Variants in CPVL observed in about 807,000 individuals in gnomAD.
CPVL encodes the protein carboxypeptidase vitellogenic like.
CPVL carries 51 observed loss-of-function variants against 63.7 expected under a neutral mutation model. The observed-to-expected ratio is 0.80, with a 90% CI of 0.64 to 1.01. The LOEUF is 1.01. Among genes scored for constraint, CPVL ranks in the 50% least tolerant of loss-of-function variants. CPVL has a pLI of 0.00. For synonymous variants in CPVL, 195 were observed against 206.0 expected, an observed-to-expected ratio of 0.95 and a Z score of 0.46; for missense variants, 530 against 573.1, an observed-to-expected ratio of 0.92 and a Z score of 0.77.
intron 10 of CPVL, among the ~76,000 whole-genome samples, chr7:29,065,273 CAT>C (rs900580852): frequency 3.5e-4 from 54 of 152,332 alleles, no homozygotes; most frequent in Admixed American, 1.2e-3. Context: ...TTGTCTACCA[CAT>C]GTTTTTCTCT....
chr7:29,101,201 A>C (rs1787081989), intron 3 of CPVL, among the ~76,000 whole-genome samples: 1 of 152,262 alleles, frequency 6.6e-6, no homozygotes, highest in African/African-American at 2.4e-5. Flanking sequence ...ACTTTAGTTC[A>C]TTTACAGCAT....
intron 11 of CPVL, among the ~76,000 whole-genome samples, chr7:29,054,711 C>G (rs1466330550): frequency 6.6e-6 from 1 of 151,936 alleles, no homozygotes; most frequent in African/African-American, 2.4e-5. Context: ...GGCTTTTTTT[C>G]ATTCTTTCTG....
intron 3 of CPVL, among the ~76,000 whole-genome samples, chr7:29,103,616 C>A (rs900509221): frequency 2.0e-5 from 3 of 152,026 alleles, no homozygotes; most frequent in Non-Finnish European, 4.4e-5. Context: ...GGAATCTCAA[C>A]AAGTGTTAGG....
chr7:29,066,876 T>C (rs558950162), intron 9 of CPVL, among the ~76,000 whole-genome samples: 45 of 152,266 alleles, frequency 3.0e-4, no homozygotes, highest in African/African-American at 9.9e-4. Context: ...GAGAGGCAGA[T>C]TGAGCCAGGG....
chr7:29,086,643 T>G, intron 6 of CPVL, 93 bp from the exon 7 acceptor site: 2 of 916,168 alleles, frequency 2.2e-6, no homozygotes, highest in Non-Finnish European at 3.6e-6. Context: ...TCTTTGGCAA[T>G]AGGTTTCACA....
chr7:29,086,365 T>C (rs1785202246), intron 7 of CPVL, 119 bp downstream of exon 7: 1 of 620,110 alleles, frequency 1.6e-6, no homozygotes, highest in Non-Finnish European at 2.9e-6. Flanking sequence ...TGAATCAATA[T>C]TGATATGTAT....
intron 7 of CPVL, among the ~76,000 whole-genome samples, chr7:29,075,126 G>A (rs1299104918): frequency 6.6e-6 from 1 of 152,002 alleles, no homozygotes; most frequent in Non-Finnish European, 1.5e-5. Flanking sequence ...CATCTCTCTT[G>A]ACCCTTTCTG....
intron 2 of CPVL, among the ~76,000 whole-genome samples, chr7:29,119,413 G>C (rs1475398387): frequency 6.7e-6 from 1 of 149,162 alleles, no homozygotes; most frequent in Non-Finnish European, 1.5e-5. Flanking sequence ...CTTGAACGCA[G>C]GAGGTGCAGA....
chr7:29,073,500 A>G (rs1270743993), intron 7 of CPVL, among the ~76,000 whole-genome samples: 2 of 151,232 alleles, frequency 1.3e-5, no homozygotes, highest in Non-Finnish European at 2.9e-5. Flanking sequence ...TCTACCCTCA[A>G]CCCCTGCCAC....
intron 1 of CPVL, among the ~76,000 whole-genome samples, chr7:29,131,216 T>G (rs1362805109): frequency 6.6e-6 from 1 of 152,164 alleles, no homozygotes; most frequent in Non-Finnish European, 1.5e-5. Context: ...AATTGCCTCC[T>G]TTCTATTGCC....
At chr7:29,064,766 G>C (rs1782976673) in intron 10 of CPVL, among the ~76,000 whole-genome samples, 1 of 152,084 alleles carries the variant, frequency 6.6e-6, no homozygotes, top group South Asian at 2.1e-4. Context: ...TTAGCATCAG[G>C]TATATCTCCT....
chr7:29,121,717 A>C (rs1395508128), intron 1 of CPVL, among the ~76,000 whole-genome samples: 1 of 152,232 alleles, frequency 6.6e-6, no homozygotes, highest in Non-Finnish European at 1.5e-5. Context: ...AAACAGCTTA[A>C]GCAAAGGTGA....
chr7:29,068,597 A>C (rs1204846534), intron 9 of CPVL, among the ~76,000 whole-genome samples: 1 of 150,800 alleles, frequency 6.6e-6, no homozygotes, highest in Non-Finnish European at 1.5e-5. Context: ...AGAAGTGGCC[A>C]CCTCTTATCC....
At chr7:29,156,827 G>GT (rs1611059) in intron 5 of CPVL, among the ~76,000 whole-genome samples, 138,026 of 152,268 alleles carry the variant, frequency 0.91, 62,790 homozygotes, top group East Asian at 1. Flanking sequence ...AAAACTGACA[G>GT]TGGATTATGC....
chr7:29,065,937 A>T, intron 10 of CPVL, 86 bp downstream of exon 10: 1 of 739,542 alleles, frequency 1.4e-6, no homozygotes, highest in South Asian at 1.7e-5. Flanking sequence ...GTATAAAGTC[A>T]TCTATAATAT....
At chr7:29,148,451 T>C (rs1328164340), upstream of CPVL, 12 of 152,258 alleles carry the variant, frequency 7.9e-5, no homozygotes, top group Non-Finnish European at 8.8e-5. Flanking sequence ...TTAACACTAT[T>C]TATCTCTGTG....
At chr7:29,029,933 C>T (rs1183441178) in intron 12 of CPVL, among the ~76,000 whole-genome samples, 3 of 152,222 alleles carry the variant, frequency 2.0e-5, no homozygotes, top group South Asian at 2.1e-4. Flanking sequence ...ACTTACATAT[C>T]GACAACAACA....
Position 29,030,661 on chromosome 7 carries a change from C to G in CPVL, c.1236G>C (p.Lys412Asn), listed in dbSNP as rs1192607716. 6.2e-7 allele frequency: 1 copy of G among 1,613,746 alleles called. No individual in the cohort carries two copies. The highest frequency in any genetic ancestry group is 1.3e-5 in the African/African-American group (1 of 74,992). ...GMDWKGSQEY[K>N]KAEKKVWKIF... ...TCTTCCAAACTTTTTTTTCTGCCTT[C>G]TTGTATTCCTGGGATCCTTTCCAGT... is the stretch of plus-strand genomic sequence containing the variant. The change falls in exon 12 of 13, where the codon AAG (lysine) becomes AAC (asparagine). Residue 412 changes from lysine (K) to asparagine (N), a missense_variant. Physicochemically the swap from Lys to Asn is moderately conservative, Grantham distance 94. Transcript: ENST00000265394.
intron 1 of CPVL, among the ~76,000 whole-genome samples, chr7:29,129,909 G>C (rs1019050412): frequency 6.6e-6 from 1 of 152,164 alleles, no homozygotes; most frequent in Non-Finnish European, 1.5e-5. Context: ...ATGTGACGAA[G>C]AGGCAGACAC....
Sources: allele counts gnomAD v4.1 joint callset (sites outside exome capture counted in the v4.1 genomes callset), GRCh38; gene constraint gnomAD v4.1.1; transcripts MANE v1.5; gene names NCBI Gene and HGNC (gene_info 2026-07-23, HGNC 2026-07-21).